The following KIAA1217 variants were observed in gnomAD, a reference collection of about 807,000 sequenced individuals.
KIAA1217 encodes KIAA1217, also known as sickle tail protein homolog.
KIAA1217 carries 88 observed loss-of-function variants against 163.9 expected under a neutral mutation model. That is an observed-to-expected ratio of 0.54 (90% CI 0.45 to 0.64). The LOEUF is 0.64. KIAA1217 is among the 30% of genes least tolerant of loss of function. The probability of loss-of-function intolerance (pLI) is 0.00; values close to 1 mark genes in which losing one functional copy is unlikely to be tolerated. For missense variants in KIAA1217, 2,372 were observed against 2,475.0 expected (o/e 0.96, Z 0.88); for synonymous variants, 903 against 923.1 (o/e 0.98, Z 0.39).
At chr10:23,824,164 T>C (rs531191595) in intron 1 of KIAA1217, among the ~76,000 whole-genome samples, 22 of 152,070 alleles carry the variant, frequency 1.4e-4, no homozygotes, top group South Asian at 6.2e-4. Flanking sequence ...TCCCAGCTAC[T>C]TGGGAGGCTG....
intron 1 of KIAA1217, among the ~76,000 whole-genome samples, chr10:23,719,891 C>T (rs941976991): frequency 1.3e-5 from 2 of 151,846 alleles, no homozygotes; most frequent in Non-Finnish European, 2.9e-5. Context: ...TCCAGCCTGG[C>T]AAGAGAGTGA....
At chr10:24,446,518 G>T (rs2060947858) in intron 5 of KIAA1217, among the ~76,000 whole-genome samples, 1 of 152,076 alleles carries the variant, frequency 6.6e-6, no homozygotes, top group African/African-American at 2.4e-5. Flanking sequence ...TGAGAAGAGG[G>T]GTTTGGGATT....
At chr10:24,112,375 C>T (rs887104334) in intron 2 of KIAA1217, among the ~76,000 whole-genome samples, 2 of 152,096 alleles carry the variant, frequency 1.3e-5, no homozygotes, top group African/African-American at 2.4e-5. Flanking sequence ...TATTTCTGTG[C>T]GAACAGGATG....
intron 3 of KIAA1217, among the ~76,000 whole-genome samples, chr10:24,430,368 G>C (rs1311063284): frequency 6.6e-6 from 1 of 152,164 alleles, no homozygotes; most frequent in African/African-American, 2.4e-5. Flanking sequence ...GCTGGGTGGG[G>C]TGGGAAGAGA....
intron 2 of KIAA1217, among the ~76,000 whole-genome samples, chr10:24,347,970 T>C (rs1591190214): frequency 6.6e-6 from 1 of 152,252 alleles, no homozygotes; most frequent in South Asian, 2.1e-4. Flanking sequence ...ATATGCATAT[T>C]CATATGCATG....
intron 3 of KIAA1217, among the ~76,000 whole-genome samples, chr10:24,430,034 T>C (rs1211948407): frequency 6.6e-6 from 1 of 152,082 alleles, no homozygotes. Flanking sequence ...TGGTCCCAGG[T>C]ACTCAGGGGG....
At chr10:24,112,574 CT>C (rs1482757984) in intron 2 of KIAA1217, among the ~76,000 whole-genome samples, 2 of 151,724 alleles carry the variant, frequency 1.3e-5, no homozygotes, top group African/African-American at 4.8e-5. Flanking sequence ...GACTAGTGCT[CT>C]TTTTTTTATT....
intron 1 of KIAA1217, among the ~76,000 whole-genome samples, chr10:23,836,464 C>G (rs1457086100): frequency 6.7e-6 from 1 of 150,288 alleles, no homozygotes; most frequent in Non-Finnish European, 1.5e-5. Flanking sequence ...GGCCTCAGAA[C>G]AAACCTCCTC....
chr10:23,850,283 G>A (rs1471704607), intron 1 of KIAA1217, among the ~76,000 whole-genome samples: 3 of 152,110 alleles, frequency 2.0e-5, no homozygotes, highest in East Asian at 3.9e-4. Flanking sequence ...ACAGGCTAAG[G>A]TAATTTTGTT....
chr10:24,224,120 C>T (rs1369955408), intron 2 of KIAA1217, among the ~76,000 whole-genome samples: 2 of 152,038 alleles, frequency 1.3e-5, no homozygotes, highest in Non-Finnish European at 2.9e-5. Flanking sequence ...TGCGGGTGGC[C>T]CTTATTGCAA....
intron 1 of KIAA1217, among the ~76,000 whole-genome samples, chr10:23,779,196 C>T (rs1044182499): frequency 2.6e-5 from 4 of 152,090 alleles, no homozygotes; most frequent in Admixed American, 6.5e-5. Context: ...AATAGTGGAT[C>T]GCTAGAATTA....
At chr10:23,987,890 G>T (rs1846051407) in intron 1 of KIAA1217, among the ~76,000 whole-genome samples, 4 of 152,002 alleles carry the variant, frequency 2.6e-5, no homozygotes, top group Admixed American at 2.0e-4. Context: ...ATATTTTAAA[G>T]GTGGTTTGCA....
intron 2 of KIAA1217, among the ~76,000 whole-genome samples, chr10:24,040,540 G>A (rs963246993): frequency 1.3e-5 from 2 of 152,176 alleles, no homozygotes; most frequent in Admixed American, 1.3e-4. Context: ...AGAGTAAAAG[G>A]GCTAGCTTAA....
At chr10:24,305,340 T>G (rs2041889324) in intron 2 of KIAA1217, among the ~76,000 whole-genome samples, 1 of 152,158 alleles carries the variant, frequency 6.6e-6, no homozygotes, top group Non-Finnish European at 1.5e-5. Context: ...AGAACCATCT[T>G]AAAAGACATG....
intron 1 of KIAA1217, among the ~76,000 whole-genome samples, chr10:23,931,308 G>A (rs1054690832): frequency 1.3e-5 from 2 of 152,038 alleles, no homozygotes; most frequent in African/African-American, 2.4e-5. Flanking sequence ...GTCCTTGATC[G>A]CATAACCAGG....
intron 2 of KIAA1217, among the ~76,000 whole-genome samples, chr10:24,084,043 T>A (rs2061617669): frequency 6.6e-6 from 1 of 152,200 alleles, no homozygotes; most frequent in African/African-American, 2.4e-5. Context: ...CTCCCTCTGG[T>A]CTGGAACACT....
rs762889351 is a variant in KIAA1217, at chr10:24,473,467, A to C, written c.1086A>C (p.Pro362=). The change falls in exon 6 of 21, where the codon CCA becomes CCC. Residue 362 remains proline (P), a synonymous_variant. Transcript: ENST00000376454. ...TGCCAGTCTCCAGACCCATCTCTCC[A>C]AGCCCAAGCGCCATTTTAGAAAGAA... ...SSLPVSRPIS[P]SPSAILERRD... 7 of 1,614,156 alleles carry C rather than the reference A, an allele frequency of 4.3e-6. No individual in the cohort carries two copies. In the East Asian group the frequency reaches 1.6e-4, roughly 36 times the overall value.
intron 2 of KIAA1217, among the ~76,000 whole-genome samples, chr10:24,343,752 T>A (rs1299427859): frequency 6.6e-6 from 1 of 152,218 alleles, no homozygotes; most frequent in Non-Finnish European, 1.5e-5. Flanking sequence ...CCTTCTACAG[T>A]TTATTTTGAG....
intron 15 of KIAA1217, among the ~76,000 whole-genome samples, chr10:24,532,688 A>G (rs913722960): frequency 1.3e-5 from 2 of 152,244 alleles, no homozygotes; most frequent in Admixed American, 6.5e-5. Flanking sequence ...AGACTTATTC[A>G]CCACCTCGAG....
Sources: allele counts gnomAD v4.1 joint callset (sites outside exome capture counted in the v4.1 genomes callset), GRCh38; gene constraint gnomAD v4.1.1; transcripts MANE v1.5; gene names NCBI Gene and HGNC (gene_info 2026-07-23, HGNC 2026-07-21).